Variants in DPYSL3 observed in about 807,000 individuals in gnomAD.
The protein encoded by DPYSL3 is dihydropyrimidinase-related protein 3.
DPYSL3 carries 16 observed loss-of-function variants against 66.1 expected under a neutral mutation model. The ratio of observed to expected loss-of-function variants is 0.24; its 90% CI spans 0.16 to 0.37. The LOEUF (loss-of-function observed/expected upper bound fraction) is 0.37. Ranked by LOEUF, DPYSL3 falls within the 10% of genes least tolerant of loss-of-function variation. The probability of loss-of-function intolerance (pLI) is 1.00; values close to 1 mark genes in which losing one functional copy is unlikely to be tolerated. For synonymous variants in DPYSL3, 338 were observed against 345.1 expected (o/e 0.98, Z 0.23); for missense variants, 738 against 916.2 (o/e 0.81, Z 2.51).
intron 1 of DPYSL3, among the ~76,000 whole-genome samples, chr5:147,438,404 A>G (rs1455927014): frequency 1.3e-5 from 2 of 152,224 alleles, no homozygotes; most frequent in African/African-American, 4.8e-5. Context: ...TCAGAACTCA[A>G]AAATCAGAGA....
intron 1 of DPYSL3, among the ~76,000 whole-genome samples, chr5:147,425,432 C>A (rs1173377000): frequency 1.3e-5 from 2 of 152,142 alleles, no homozygotes; most frequent in Non-Finnish European, 2.9e-5. Flanking sequence ...TACACGAGGG[C>A]ATGCTCAGAT....
chr5:147,448,048 T>TAGGTAAAG (rs1298036514), intron 1 of DPYSL3, among the ~76,000 whole-genome samples: 1 of 152,126 alleles, frequency 6.6e-6, no homozygotes, highest in African/African-American at 2.4e-5. Context: ...AATATGTCAA[T>TAGGTAAAG]AGGTAAAGAA....
intron 1 of DPYSL3, among the ~76,000 whole-genome samples, chr5:147,460,238 T>G (rs1034054444): frequency 6.6e-6 from 1 of 152,260 alleles, no homozygotes; most frequent in Non-Finnish European, 1.5e-5. Flanking sequence ...TCTTGACAGC[T>G]CTGCCTTAGG....
chr5:147,418,408 C>T, intron 3 of DPYSL3, 39 bp downstream of exon 3: 1 of 1,547,260 alleles, frequency 6.5e-7, no homozygotes, highest in Non-Finnish European at 8.8e-7. Flanking sequence ...TAAACACACA[C>T]TTCTGAGAAA....
At chr5:147,423,695 G>A (rs1323271927) in intron 2 of DPYSL3, among the ~76,000 whole-genome samples, 1 of 86,602 alleles carries the variant, frequency 1.2e-5, no homozygotes, top group Non-Finnish European at 2.1e-5. Flanking sequence ...AGCACAAGCT[G>A]GTTTTGTTTG....
chr5:147,488,576 C>T (rs1289491678), intron 1 of DPYSL3, among the ~76,000 whole-genome samples: 1 of 151,796 alleles, frequency 6.6e-6, no homozygotes, highest in Non-Finnish European at 1.5e-5. Flanking sequence ...AATTAGCCTG[C>T]ATGGTGGTGC....
At chr5:147,418,342 G>T in intron 3 of DPYSL3, 105 bp downstream of exon 3, 1 of 1,224,326 alleles carries the variant, frequency 8.2e-7, no homozygotes. Context: ...TCTATAAACT[G>T]AACTGGGACA....
At chr5:147,459,725 C>A (rs1311224021) in intron 1 of DPYSL3, among the ~76,000 whole-genome samples, 1 of 152,144 alleles carries the variant, frequency 6.6e-6, no homozygotes, top group Non-Finnish European at 1.5e-5. Flanking sequence ...TCATTCTTTT[C>A]TTCAGTAGTC....
chr5:147,413,613 G>C lies in DPYSL3; in HGVS notation c.865C>G (p.Gln289Glu), dbSNP rs1422565988. The C allele has an allele frequency of 5.0e-6, 8 of 1,613,178 alleles. No homozygotes were observed. Among genetic ancestry groups the C allele is most frequent in the Non-Finnish European group, 6.8e-6 (8 of 1,179,436 alleles). Residue 289 changes from glutamine to glutamate, a missense_variant, in exon 5 of 14, where the codon CAA becomes GAA. By Grantham distance (29) the Gln-to-Glu change is conservative. Transcript: ENST00000343218. ...MVYMAYKDLYQVSNTELYEIF... is the reference protein window; with the variant it reads ...MVYMAYKDLYEVSNTELYEIF... ...GTTGTTACCTCTGTGTTAGATACTT[G>C]ATACAAATCCTTATAAGCCATATAA...
chr5:147,410,172 G>A (rs966871123), intron 6 of DPYSL3, among the ~76,000 whole-genome samples: 1 of 152,128 alleles, frequency 6.6e-6, no homozygotes, highest in African/African-American at 2.4e-5. Flanking sequence ...TCCAACTAAA[G>A]AATCTCTGTC....
chr5:147,448,799 C>A (rs115054650), intron 1 of DPYSL3, among the ~76,000 whole-genome samples: 2,372 of 152,288 alleles, frequency 0.016, 61 homozygotes, highest in African/African-American at 0.055. Flanking sequence ...TACCTGAGGC[C>A]TTCTCCTAGT....
intron 1 of DPYSL3, among the ~76,000 whole-genome samples, chr5:147,434,383 T>G (rs1360066418): frequency 6.6e-6 from 1 of 152,184 alleles, no homozygotes; most frequent in Non-Finnish European, 1.5e-5. Context: ...GTGCCATGGG[T>G]GGAAGCTCTC....
At chr5:147,425,086 T>A (rs780411729) in intron 1 of DPYSL3, 123 bp from the exon 2 acceptor site, 7 of 668,986 alleles carry the variant, frequency 1.0e-5, no homozygotes, top group African/African-American at 1.8e-5. Context: ...CAAAGACATA[T>A]GTGTGCTCAA....
chr5:147,446,699 T>A (rs918118802), intron 1 of DPYSL3, among the ~76,000 whole-genome samples: 5 of 152,260 alleles, frequency 3.3e-5, no homozygotes, highest in Non-Finnish European at 4.4e-5. Context: ...AAACAGCATC[T>A]GCTTTTCCAC....
rs922705153 is a variant in DPYSL3 at position 147,405,842 on chromosome 5, T to C, written c.1033-112A>G. 76 of 1,413,450 alleles carry C rather than the reference T, an allele frequency of 5.4e-5. No homozygotes were observed. The South Asian group carries it at 1.1e-3, about 20-fold the overall frequency. 87.6% of individuals were successfully genotyped at this position (1,413,450 alleles called of 1,614,324 possible). ...GCTGCACAAAGGTTATGGATAATTT[T>C]GGCAGGATCTGGAATTAGATAGCCT... On this transcript the variant is annotated intron_variant, in intron 7 of 13. Coordinates refer to ENST00000343218, the MANE Select transcript of DPYSL3 (RefSeq NM_001197294.2).
At chr5:147,417,549 T>C (rs957046830) in intron 3 of DPYSL3, among the ~76,000 whole-genome samples, 1 of 152,194 alleles carries the variant, frequency 6.6e-6, no homozygotes, top group Non-Finnish European at 1.5e-5. Context: ...GCTCAGGCTG[T>C]CCTGTGTTCT....
chr5:147,407,563 A>G (rs552738459), intron 7 of DPYSL3, among the ~76,000 whole-genome samples: 34 of 152,286 alleles, frequency 2.2e-4, no homozygotes, highest in African/African-American at 7.5e-4. Context: ...CAGTCCTTCA[A>G]GTGTGATCAG....
chr5:147,434,889 G>C (rs1344357801), intron 1 of DPYSL3, among the ~76,000 whole-genome samples: 1 of 152,146 alleles, frequency 6.6e-6, no homozygotes, highest in Non-Finnish European at 1.5e-5. Flanking sequence ...TCAACAATGA[G>C]TGAGTTCTAA....
intron 1 of DPYSL3, among the ~76,000 whole-genome samples, chr5:147,438,542 A>G (rs1752457471): frequency 6.6e-6 from 1 of 152,200 alleles, no homozygotes; most frequent in African/African-American, 2.4e-5. Flanking sequence ...CCATGTTAAC[A>G]TTATGGGAAT....
Sources: allele counts gnomAD v4.1 joint callset (sites outside exome capture counted in the v4.1 genomes callset), GRCh38; gene constraint gnomAD v4.1.1; transcripts MANE v1.5; gene names NCBI Gene and HGNC (gene_info 2026-07-23, HGNC 2026-07-21).